The following CNTNAP2 variants were observed in gnomAD, a reference collection of about 807,000 sequenced individuals.
CNTNAP2 encodes contactin-associated protein-like 2.
A neutral mutation model predicts 155.2 loss-of-function variants in CNTNAP2; 98 were observed. The ratio of observed to expected loss-of-function variants is 0.63; its 90% CI spans 0.54 to 0.75. The LOEUF (loss-of-function observed/expected upper bound fraction) is 0.75, where lower values mean the gene tolerates loss of function less well. Among genes scored for constraint, CNTNAP2 ranks in the 30% least tolerant of loss-of-function variants. The pLI is 0.00. For synonymous variants in CNTNAP2, 651 were observed against 631.2 expected (o/e 1.03, Z -0.47); for missense variants, 1,727 against 1,688.1 (o/e 1.02, Z -0.40).
At position 146,225,754 on chromosome 7, in the gene CNTNAP2, C is replaced by T. The variant is rs887525699; in HGVS notation, c.97+108781C>T. On this transcript the variant is annotated intron_variant, in intron 1 of 23. Coordinates refer to ENST00000361727, the MANE Select transcript of CNTNAP2 (RefSeq NM_014141.6). ...GAGAACTACAGTAGCTTGTCTTCTG[C>T]CTAAAATCTCCTACCACTTCCACAG... Among the ~76,000 whole-genome samples, 13 of 152,268 alleles carry T rather than the reference C, an allele frequency of 8.5e-5. No individual in the cohort carries two copies. In the South Asian group the frequency reaches 1.5e-3, roughly 17 times the overall value.
intron 14 of CNTNAP2, among the ~76,000 whole-genome samples, chr7:147,909,702 C>T (rs1241020658): frequency 6.6e-6 from 1 of 152,186 alleles, no homozygotes; most frequent in Non-Finnish European, 1.5e-5. Flanking sequence ...CTCTTGCAGC[C>T]TGACTCAATG....
intron 1 of CNTNAP2, among the ~76,000 whole-genome samples, chr7:146,664,501 CG>C (rs1323076890): frequency 7.9e-5 from 12 of 152,048 alleles, no homozygotes; most frequent in African/African-American, 2.9e-4. Flanking sequence ...CACTGCATTC[CG>C]GACAAAACTC....
intron 1 of CNTNAP2, among the ~76,000 whole-genome samples, chr7:146,215,691 G>A (rs1433436367): frequency 6.6e-6 from 1 of 151,972 alleles, no homozygotes; most frequent in Non-Finnish European, 1.5e-5. Context: ...ATGGAATGAA[G>A]TACCTTATTA....
intron 6 of CNTNAP2, among the ~76,000 whole-genome samples, chr7:147,123,747 C>A (rs1006020002): frequency 2.0e-5 from 3 of 152,064 alleles, no homozygotes; most frequent in Admixed American, 6.6e-5. Context: ...TTAGAAAAAA[C>A]CTCAGGGACT....
intron 12 of CNTNAP2, among the ~76,000 whole-genome samples, chr7:147,575,109 G>GCA (rs1800363758): frequency 1.2e-5 from 1 of 81,706 alleles, no homozygotes; most frequent in African/African-American, 5.6e-5. Flanking sequence ...TGTGGGAAAT[G>GCA]TGTGTGTGTG....
At chr7:147,342,365 T>G (rs2116862118) in intron 9 of CNTNAP2, among the ~76,000 whole-genome samples, 1 of 152,318 alleles carries the variant, frequency 6.6e-6, no homozygotes, top group Non-Finnish European at 1.5e-5. Flanking sequence ...TAAATGAATG[T>G]CAGCTATAAA....
At chr7:146,898,154 T>C (rs1795916054) in intron 3 of CNTNAP2, among the ~76,000 whole-genome samples, 1 of 152,064 alleles carries the variant, frequency 6.6e-6, no homozygotes, top group Admixed American at 6.6e-5. Context: ...AAACAGTATA[T>C]AACTTATTGT....
chr7:147,850,406 G>GA (rs1416107524), intron 13 of CNTNAP2, among the ~76,000 whole-genome samples: 2 of 152,104 alleles, frequency 1.3e-5, no homozygotes, highest in Non-Finnish European at 2.9e-5. Flanking sequence ...CACAGAATTG[G>GA]AAAAAACTGC....
chr7:146,317,917 G>A (rs1025836742), intron 1 of CNTNAP2, among the ~76,000 whole-genome samples: 4 of 152,240 alleles, frequency 2.6e-5, no homozygotes, highest in South Asian at 2.1e-4. Context: ...GAAGGAGGGC[G>A]GATCACGAGG....
intron 8 of CNTNAP2, among the ~76,000 whole-genome samples, chr7:147,180,288 C>A (rs1802428174): frequency 6.6e-6 from 1 of 152,108 alleles, no homozygotes; most frequent in African/African-American, 2.4e-5. Context: ...TGATCCAACC[C>A]TTTTTGGAGT....
chr7:146,882,923 G>C (rs959681747), intron 3 of CNTNAP2, among the ~76,000 whole-genome samples: 5 of 152,138 alleles, frequency 3.3e-5, no homozygotes, highest in African/African-American at 1.2e-4. Flanking sequence ...AATCAGAGAT[G>C]ATGCAAATAA....
intron 1 of CNTNAP2, among the ~76,000 whole-genome samples, chr7:146,221,170 C>A (rs940128480): frequency 2.0e-5 from 3 of 152,142 alleles, no homozygotes; most frequent in Non-Finnish European, 4.4e-5. Flanking sequence ...GATATTGTCA[C>A]TTTTGTAACT....
At chr7:146,560,464 G>GTA (rs1280926687) in intron 1 of CNTNAP2, among the ~76,000 whole-genome samples, 1 of 151,836 alleles carries the variant, frequency 6.6e-6, no homozygotes, top group African/African-American at 2.4e-5. Context: ...ATATATGTGT[G>GTA]TATGTGTGTG....
intron 1 of CNTNAP2, among the ~76,000 whole-genome samples, chr7:146,223,399 A>G (rs1215564211): frequency 1.3e-5 from 2 of 152,228 alleles, no homozygotes; most frequent in African/African-American, 2.4e-5. Flanking sequence ...GCAGTAGCTC[A>G]AGATAGCAGA....
chr7:146,981,915 C>T (rs1376946554), intron 3 of CNTNAP2, among the ~76,000 whole-genome samples: 1 of 152,116 alleles, frequency 6.6e-6, no homozygotes, highest in African/African-American at 2.4e-5. Context: ...ATATAATCTT[C>T]GTCACAAATA....
At chr7:146,151,635 G>GATATATATATATACAT (rs1562968838) in intron 1 of CNTNAP2, among the ~76,000 whole-genome samples, 2 of 36,404 alleles carry the variant, frequency 5.5e-5, no homozygotes, top group Non-Finnish European at 1.1e-4. Context: ...AAGAAAACGT[G>GATATATATATATACAT]ATATATATAT....
At chr7:147,106,566 A>G (rs1269271991) in intron 4 of CNTNAP2, among the ~76,000 whole-genome samples, 1 of 152,116 alleles carries the variant, frequency 6.6e-6, no homozygotes, top group East Asian at 1.9e-4. Context: ...TAAAATTTAA[A>G]GTTTAAGGTC....
intron 13 of CNTNAP2, among the ~76,000 whole-genome samples, chr7:147,803,991 A>T (rs1333864539): frequency 6.6e-6 from 1 of 152,230 alleles, no homozygotes; most frequent in East Asian, 1.9e-4. Flanking sequence ...GGCTAAGAGC[A>T]TCTTTGACTG....
chr7:147,937,967 G>C (rs1056800906), intron 14 of CNTNAP2, among the ~76,000 whole-genome samples: 1 of 152,092 alleles, frequency 6.6e-6, no homozygotes. Context: ...CTTAACCATG[G>C]TTAATTCTCA....
Sources: gnomAD v4.1 joint callset for allele counts (sites outside exome capture counted in the v4.1 genomes callset) on GRCh38, gnomAD v4.1.1 for gene constraint, MANE v1.5 for transcripts, NCBI Gene and HGNC (gene_info 2026-07-23, HGNC 2026-07-21) for gene names.